CCDC14: variants seen among roughly 807,000 people sequenced by gnomAD.
CCDC14 encodes coiled-coil domain-containing protein 14.
CCDC14 carries 71 observed loss-of-function variants against 81.4 expected under a neutral mutation model. That is an observed-to-expected ratio of 0.87 (90% confidence interval 0.72 to 1.06). The LOEUF is 1.06. Ranked by LOEUF, CCDC14 falls within the 50% of genes least tolerant of loss-of-function variation. CCDC14 has a pLI of 0.00. For missense variants in CCDC14, 1,046 were observed against 1,047.3 expected (o/e 1.00, Z 0.02); for synonymous variants, 332 against 364.8 (o/e 0.91, Z 1.03).
chr3:123,931,011 G>A lies in CCDC14; in HGVS notation c.1778+91C>T. The A allele has an allele frequency of 5.6e-6, 6 of 1,065,290 alleles. No homozygotes were observed. The South Asian group carries it at 1.1e-4, about 20-fold the overall frequency. The allele number at this position is 1,065,290 out of a possible 1,614,324, so 66.0% of individuals were successfully genotyped here. A position where few individuals can be genotyped will look rare whatever the true frequency, so the allele number is the denominator to read the frequency against. On this transcript the variant is annotated intron_variant, in intron 12 of 12. Transcript: ENST00000409697. ...TGGCAAAATAAGAGAAAAAGATATG[G>A]GGGAGAAAACAGGTCTAACATTATT...
intron 9 of CCDC14, among the ~76,000 whole-genome samples, chr3:123,936,347 A>T (rs1268759367): frequency 2.6e-5 from 4 of 152,198 alleles, no homozygotes; most frequent in Non-Finnish European, 5.9e-5. Flanking sequence ...GCTGCTACTT[A>T]GGCAAATATT....
At position 123,924,948 on chromosome 3, in the gene CCDC14, C is replaced by CAT. The variant is rs748391830; in HGVS notation, c.1778+6152_1778+6153dup. On this transcript the variant is annotated intron_variant, in intron 12 of 12. Coordinates refer to ENST00000409697, the MANE Select transcript of CCDC14 (RefSeq NM_001366335.1). ...ATATACACACACATATATATGTATA[C>CAT]ATATATACACACACACACACACACA... Among the ~76,000 whole-genome samples, 18 of 129,148 alleles carry CAT rather than the reference C, an allele frequency of 1.4e-4. No individual in the cohort carries two copies. The South Asian group carries it at 2.2e-3, about 16-fold the overall frequency. The allele number at this position is 129,148 out of a possible 152,430, so 84.7% of individuals were successfully genotyped here. A position where few individuals can be genotyped will look rare whatever the true frequency, so the allele number is the denominator to read the frequency against.
At chr3:123,887,388 A>C in the CCDC14 span, among the ~76,000 whole-genome samples, 1 of 152,180 alleles carries the variant, frequency 6.6e-6, no homozygotes, top group East Asian at 1.9e-4. Context: ...TGTTGCTTAC[A>C]GTTTGTTCAT....
intron 12 of CCDC14, among the ~76,000 whole-genome samples, chr3:123,917,496 A>G (rs2034780768): frequency 6.9e-6 from 1 of 145,242 alleles, no homozygotes; most frequent in African/African-American, 2.6e-5. Flanking sequence ...CTCCATCTCA[A>G]CCAAAAAAAA....
intron 5 of CCDC14, chr3:123,954,637 T>C (rs142744370): frequency 2.6e-5 from 4 of 152,262 alleles, no homozygotes; most frequent in Admixed American, 1.3e-4. Flanking sequence ...AAATCTAGCA[T>C]ATATTTTACA....
At chr3:123,932,462 T>C (rs1174915809) in intron 10 of CCDC14, among the ~76,000 whole-genome samples, 2 of 152,284 alleles carry the variant, frequency 1.3e-5, no homozygotes, top group Admixed American at 1.3e-4. Flanking sequence ...TTATAAGACA[T>C]ATTTATATAT....
intron 9 of CCDC14, among the ~76,000 whole-genome samples, chr3:123,937,549 A>G (rs889681776): frequency 6.6e-6 from 1 of 151,978 alleles, no homozygotes; most frequent in Admixed American, 6.6e-5. Context: ...TAAGTTCTTT[A>G]TACATTCTAA....
At chr3:123,916,873 T>C (rs2034732090) in intron 12 of CCDC14, among the ~76,000 whole-genome samples, 1 of 152,010 alleles carries the variant, frequency 6.6e-6, no homozygotes, top group Admixed American at 6.5e-5. Context: ...GGAGTCTCAC[T>C]CTATCACCCA....
At chr3:123,900,762 T>C (rs2034162959) in intron 5 of CCDC14, among the ~76,000 whole-genome samples, 1 of 152,300 alleles carries the variant, frequency 6.6e-6, no homozygotes, top group African/African-American at 2.4e-5. Flanking sequence ...TCATATCATG[T>C]TCCTGGAAGA....
chr3:123,946,300 C>T (rs1334640802), intron 8 of CCDC14, among the ~76,000 whole-genome samples: 2 of 151,746 alleles, frequency 1.3e-5, no homozygotes, highest in Middle Eastern at 3.4e-3. Flanking sequence ...TCAGAAACAC[C>T]TTGATTTAAG....
the CCDC14 span, among the ~76,000 whole-genome samples, chr3:123,888,011 G>A: frequency 6.6e-6 from 1 of 150,548 alleles, no homozygotes; most frequent in Non-Finnish European, 1.5e-5. Context: ...ATGTGTTCTT[G>A]TGTTCCTTAT....
intron 9 of CCDC14, among the ~76,000 whole-genome samples, chr3:123,936,181 C>T (rs2036045064): frequency 6.6e-6 from 1 of 152,072 alleles, no homozygotes; most frequent in Non-Finnish European, 1.5e-5. Context: ...CCTCTCATTC[C>T]CTGCTTTCAG....
At chr3:123,946,721 C>G in intron 8 of CCDC14, 82 bp downstream of exon 8, 1 of 1,313,898 alleles carries the variant, frequency 7.6e-7, no homozygotes, top group Admixed American at 2.3e-5. Context: ...ATACCACAAA[C>G]TCCATTTAAA....
chr3:123,913,620 C>T lies in CCDC14; in HGVS notation c.*1159G>A. The T allele has an allele frequency of 1.0e-6, 1 of 980,432 alleles. No homozygotes were observed. Among genetic ancestry groups the T allele is most frequent in the Non-Finnish European group, 1.2e-6 (1 of 828,740 alleles). The allele number at this position is 980,432 out of a possible 1,614,324, so 60.7% of individuals were successfully genotyped here. A position where few individuals can be genotyped will look rare whatever the true frequency, so the allele number is the denominator to read the frequency against. ...TAAATCTCTATCTGGAAAATCTGAA[C>T]ATATCAAAGAGACTACAGCTGGCTC... On this transcript the variant is annotated 3_prime_UTR_variant, in exon 13 of 13. Coordinates refer to ENST00000409697, the MANE Select transcript of CCDC14 (RefSeq NM_001366335.1).
chr3:123,923,839 G>T (rs2035195265), intron 12 of CCDC14, among the ~76,000 whole-genome samples: 1 of 151,312 alleles, frequency 6.6e-6, no homozygotes, highest in Admixed American at 6.6e-5. Flanking sequence ...ATGATTGGAA[G>T]AAATAATATT....
intron 5 of CCDC14, among the ~76,000 whole-genome samples, chr3:123,952,376 T>C (rs1477536191): frequency 6.6e-6 from 1 of 152,216 alleles, no homozygotes; most frequent in Admixed American, 6.5e-5. Flanking sequence ...AAAGGATTTT[T>C]GCCTGTGGTT....
At chr3:123,899,585 G>C (rs2034139757) in intron 5 of CCDC14, among the ~76,000 whole-genome samples, 1 of 152,142 alleles carries the variant, frequency 6.6e-6, no homozygotes, top group Admixed American at 6.5e-5. Flanking sequence ...TTGCCCATGG[G>C]ATTTCCTACC....
intron 9 of CCDC14, among the ~76,000 whole-genome samples, chr3:123,936,651 A>C (rs1195249189): frequency 6.6e-6 from 1 of 152,092 alleles, no homozygotes; most frequent in East Asian, 1.9e-4. Context: ...TATTAACACA[A>C]AGAAGGAAAC....
downstream of CCDC14, among the ~76,000 whole-genome samples, chr3:123,911,758 G>C (rs556192262): frequency 6.6e-6 from 1 of 152,088 alleles, no homozygotes; most frequent in South Asian, 2.1e-4. Context: ...TTAGCTGAGG[G>C]AATGTGAGCA....
Sources: gnomAD v4.1 joint callset for allele counts (sites outside exome capture counted in the v4.1 genomes callset) on GRCh38, gnomAD v4.1.1 for gene constraint, MANE v1.5 for transcripts, NCBI Gene and HGNC (gene_info 2026-07-23, HGNC 2026-07-21) for gene names.